AGPAT3: variants seen among roughly 807,000 people sequenced by gnomAD.
AGPAT3 encodes the protein 1-acyl-sn-glycerol-3-phosphate acyltransferase gamma.
A neutral mutation model predicts 47.3 loss-of-function variants in AGPAT3; 5 were observed. The observed-to-expected ratio is 0.11, with a 90% CI of 0.06 to 0.22. AGPAT3 has a LOEUF of 0.22. Ranked by LOEUF, AGPAT3 falls within the 10% of genes least tolerant of loss-of-function variation. AGPAT3 has a pLI of 1.00. For missense variants in AGPAT3, 315 were observed against 493.0 expected, an observed-to-expected ratio of 0.64 and a Z score of 3.42; for synonymous variants, 212 against 208.3, an observed-to-expected ratio of 1.02 and a Z score of -0.15.
chr21:43,930,827 C>A lies in AGPAT3; in HGVS notation c.-49+26808C>A, dbSNP rs185373750. ...GGCCCACGGCAGGCCAGTGTGCGGT[C>A]CTCAAGCTGCTGGTGACAAACGCAA... is the stretch of plus-strand genomic sequence containing the variant. On this transcript the variant is annotated intron_variant, in intron 2 of 9. Coordinates refer to ENST00000291572, the MANE Select transcript of AGPAT3 (RefSeq NM_020132.5). This position sits in a 1 kb window ranked among gnomAD's most constrained non-coding sequence, Gnocchi z 5.0. Among the ~76,000 whole-genome samples, 12 of 152,240 alleles carry A rather than the reference C, an allele frequency of 7.9e-5. No homozygotes were observed. The highest frequency in any genetic ancestry group is 1.8e-4 in the Non-Finnish European group (12 of 68,006).
At chr21:43,878,444 G>A (rs900424327) in intron 1 of AGPAT3, among the ~76,000 whole-genome samples, 1 of 152,224 alleles carries the variant, frequency 6.6e-6, no homozygotes, top group Non-Finnish European at 1.5e-5. Context: ...ACTGGGCTCC[G>A]CTGTGTGGAC....
Position 43,981,507 on chromosome 21 carries a change from C to T in AGPAT3, c.1042+320C>T, listed in dbSNP as rs1601491111. The T allele has an allele frequency of 2.3e-6, 1 of 434,274 alleles. No homozygotes were observed. Among genetic ancestry groups the T allele is most frequent in the South Asian group, 2.4e-5 (1 of 42,120 alleles). The allele number at this position is 434,274 out of a possible 1,614,324, so 26.9% of individuals were successfully genotyped here. ...CAGCCCCCCTGTCTGCTTTTGGGCT[C>T]TTAGGGGTCAGGCTGGGCTGGCCAT... On this transcript the variant is annotated intron_variant, in intron 9 of 9. Transcript: ENST00000291572. The surrounding 1 kb of genome is among the most constrained non-coding windows in gnomAD (Gnocchi z 5.3).
chr21:43,961,226 A>G (rs1014980950), intron 3 of AGPAT3, among the ~76,000 whole-genome samples: 1 of 151,950 alleles, frequency 6.6e-6, no homozygotes, highest in Admixed American at 6.6e-5. Flanking sequence ...TGGGGAAAGG[A>G]GGGGATTCTT....
chr21:43,887,620 T>C (rs1157523909), intron 1 of AGPAT3, among the ~76,000 whole-genome samples: 1 of 152,222 alleles, frequency 6.6e-6, no homozygotes, highest in Non-Finnish European at 1.5e-5. Context: ...TCTCCTCAAA[T>C]GTTAATTCTA....
chr21:43,970,880 AAAT>A lies in AGPAT3; in HGVS notation c.664+75_664+77del, dbSNP rs2089366572. On this transcript the variant is annotated intron_variant, in intron 6 of 9. Transcript: ENST00000291572. This position sits in a 1 kb window ranked among gnomAD's most constrained non-coding sequence, Gnocchi z 5.8. ...ATAGTGATTTCTTTAAAAAAAAAAA[AAAT>A]GAGTGCATTCCATGTGAAACACAGA... 1.4e-6 allele frequency: 2 copies of A among 1,402,948 alleles called. No homozygotes were observed. Among genetic ancestry groups the A allele is most frequent in the Non-Finnish European group, 1.9e-6 (2 of 1,074,374 alleles). 86.9% of individuals were successfully genotyped at this position (1,402,948 alleles called of 1,614,324 possible).
chr21:43,958,775 TGTG>T (rs1196853742), intron 2 of AGPAT3, among the ~76,000 whole-genome samples: 2 of 124,180 alleles, frequency 1.6e-5, no homozygotes, highest in South Asian at 5.3e-4. Context: ...TGGTTTGTGA[TGTG>T]TGTGTGGCAT....
intron 1 of AGPAT3, among the ~76,000 whole-genome samples, chr21:43,895,264 C>T (rs28455980): frequency 0.12 from 17,442 of 151,486 alleles, 2,018 homozygotes; most frequent in African/African-American, 0.3. Context: ...GCCACCATGC[C>T]CAGCTAATTT....
intron 1 of AGPAT3, among the ~76,000 whole-genome samples, chr21:43,898,500 C>T (rs1218153900): frequency 6.6e-6 from 1 of 152,174 alleles, no homozygotes; most frequent in African/African-American, 2.4e-5. Flanking sequence ...CGTTAATGCC[C>T]CTTACAACTA....
At position 43,934,840 on chromosome 21, in the gene AGPAT3, CGCCACTCACAT is replaced by C. The variant is rs1385911451; in HGVS notation, c.-48-24778_-48-24768del. Among the ~76,000 whole-genome samples the C allele has an allele frequency of 6.6e-6, 1 of 150,972 alleles. No individual in the cohort carries two copies. Among genetic ancestry groups the C allele is most frequent in the Non-Finnish European group, 1.5e-5 (1 of 67,688 alleles). ...CCACCTCTACCCCTCACGTCACCGA[CGCCACTCACAT>C]GCCACTCACATGCCATTGACACGCC... On this transcript the variant is annotated intron_variant, in intron 2 of 9. Transcript: ENST00000291572. The surrounding 1 kb of genome is among the most constrained non-coding windows in gnomAD (Gnocchi z 4.7).
At chr21:43,869,016 G>A (rs2085567442) in intron 1 of AGPAT3, among the ~76,000 whole-genome samples, 1 of 152,124 alleles carries the variant, frequency 6.6e-6, no homozygotes, top group African/African-American at 2.4e-5. Flanking sequence ...TTTCTGAAAC[G>A]GAGACTAAGT....
chr21:43,940,618 T>C (rs1300283938), intron 2 of AGPAT3, among the ~76,000 whole-genome samples: 2 of 152,252 alleles, frequency 1.3e-5, no homozygotes, highest in Non-Finnish European at 2.9e-5. Context: ...TGTAGATGCC[T>C]GGCATGTCCT....
rs2089397989 is a variant in AGPAT3 at position 43,971,580 on chromosome 21, C to T, written c.767+90C>T. 7 of 1,215,966 alleles carry T rather than the reference C, an allele frequency of 5.8e-6. No homozygotes were observed. The Admixed American group carries it at 1.1e-4, about 19-fold the overall frequency. 75.3% of individuals were successfully genotyped at this position (1,215,966 alleles called of 1,614,324 possible). On this transcript the variant is annotated intron_variant, in intron 7 of 9. Coordinates refer to ENST00000291572, the MANE Select transcript of AGPAT3 (RefSeq NM_020132.5). ...GGCCAGGAGGGTGGCTGGGTCCAGGCCCCACGTCCCACAGCCCCGCAGGGT... is the reference window on the plus strand; with the variant it reads ...GGCCAGGAGGGTGGCTGGGTCCAGGTCCCACGTCCCACAGCCCCGCAGGGT...
intron 2 of AGPAT3, among the ~76,000 whole-genome samples, chr21:43,918,265 G>A (rs1340520198): frequency 6.6e-6 from 1 of 151,990 alleles, no homozygotes; most frequent in Non-Finnish European, 1.5e-5. Flanking sequence ...AACTTTCCAG[G>A]TGGAGAGAGT....
intron 1 of AGPAT3, among the ~76,000 whole-genome samples, chr21:43,887,794 A>G (rs1218240242): frequency 1.3e-5 from 2 of 152,162 alleles, no homozygotes; most frequent in Non-Finnish European, 2.9e-5. Flanking sequence ...AGCTGGGACT[A>G]TAGGCGCCCG....
intron 5 of AGPAT3, among the ~76,000 whole-genome samples, chr21:43,969,531 G>A (rs1206679455): frequency 1.3e-5 from 2 of 152,380 alleles, no homozygotes; most frequent in East Asian, 1.9e-4. Flanking sequence ...GGGGGAGGGG[G>A]CAGAGCAGGG....
intron 2 of AGPAT3, among the ~76,000 whole-genome samples, chr21:43,944,116 C>G (rs1040970253): frequency 6.6e-6 from 1 of 152,250 alleles, no homozygotes; most frequent in African/African-American, 2.4e-5. Flanking sequence ...AGTATGGAAA[C>G]GAGCCACAGC....
At chr21:43,946,533 G>C (rs2087896186) in intron 2 of AGPAT3, among the ~76,000 whole-genome samples, 1 of 151,570 alleles carries the variant, frequency 6.6e-6, no homozygotes, top group Admixed American at 6.6e-5. Context: ...CCAGGAGGCA[G>C]AGTTTGCAGT....
At chr21:43,971,589 C>A in intron 7 of AGPAT3, 99 bp downstream of exon 7, 1 of 1,106,156 alleles carries the variant, frequency 9.0e-7, no homozygotes, top group South Asian at 1.3e-5. Flanking sequence ...GCCCCACGTC[C>A]CACAGCCCCG....
chr21:43,945,171 G>A (rs527369613), intron 2 of AGPAT3, among the ~76,000 whole-genome samples: 52 of 152,312 alleles, frequency 3.4e-4, no homozygotes, highest in Non-Finnish European at 6.2e-4. Context: ...AGCCAGCTCC[G>A]TTTTCCAGTC....
Sources: allele counts gnomAD v4.1 joint callset (sites outside exome capture counted in the v4.1 genomes callset), GRCh38; gene constraint gnomAD v4.1.1; non-coding constraint Gnocchi (gnomAD v3.1); transcripts MANE v1.5; gene names NCBI Gene and HGNC (gene_info 2026-07-23, HGNC 2026-07-21).